Variants in MON2 observed in about 807,000 individuals in gnomAD.
The protein encoded by MON2 is MON2 regulator of endosome-to-Golgi trafficking.
In MON2, 84 loss-of-function variants were observed where a neutral mutation model predicts 208.6. That is an observed-to-expected ratio of 0.40 (90% CI 0.34 to 0.48). The LOEUF (loss-of-function observed/expected upper bound fraction) is 0.48, where lower values mean the gene tolerates loss of function less well. Ranked by LOEUF, MON2 falls within the 20% of genes least tolerant of loss-of-function variation. MON2 has a pLI of 0.59. For missense variants in MON2, 1,611 were observed against 2,015.4 expected (o/e 0.80, Z 3.84); for synonymous variants, 660 against 694.0 (o/e 0.95, Z 0.77).
chr12:62,497,141 A>T (rs944102237), intron 4 of MON2, among the ~76,000 whole-genome samples: 2 of 125,090 alleles, frequency 1.6e-5, no homozygotes, highest in African/African-American at 6.1e-5. Context: ...GGAACATCAC[A>T]CTCTGGGGCC....
chr12:62,488,716 A>G (rs1336688710), intron 2 of MON2, among the ~76,000 whole-genome samples: 1 of 152,144 alleles, frequency 6.6e-6, no homozygotes, highest in East Asian at 1.9e-4. Flanking sequence ...TGAGCCAGGG[A>G]GATTACATAG....
intron 25 of MON2, among the ~76,000 whole-genome samples, chr12:62,559,481 A>G (rs1017865665): frequency 1.3e-5 from 2 of 152,170 alleles, no homozygotes; most frequent in African/African-American, 4.8e-5. Context: ...TATCTCTACA[A>G]AAAATACAAA....
chr12:62,469,978 C>T (rs891594422), intron 1 of MON2, among the ~76,000 whole-genome samples: 4 of 151,656 alleles, frequency 2.6e-5, no homozygotes, highest in African/African-American at 9.7e-5. Context: ...GATCTTGGCT[C>T]ACTGCAGCGT....
chr12:62,559,067 A>G (rs181092349), intron 25 of MON2, among the ~76,000 whole-genome samples: 8 of 152,306 alleles, frequency 5.3e-5, no homozygotes, highest in Non-Finnish European at 1.0e-4. Flanking sequence ...CAGTTTGTCC[A>G]GAGTAGGCAG....
intron 30 of MON2, 107 bp downstream of exon 30, chr12:62,571,689 G>A: frequency 1.1e-6 from 1 of 935,378 alleles, no homozygotes; most frequent in African/African-American, 1.7e-5. Flanking sequence ...GATTATAAAG[G>A]TTGCTAGATT....
chr12:62,556,021 C>A lies in MON2; in HGVS notation c.3238C>A (p.Arg1080=). The A allele has an allele frequency of 6.2e-7, 1 of 1,612,484 alleles. No individual in the cohort carries two copies. The highest frequency in any genetic ancestry group is 8.5e-7 in the Non-Finnish European group (1 of 1,179,218). The change falls in exon 25 of 35, where the codon CGA becomes AGA. Residue 1080 remains arginine, a synonymous_variant. Coordinates refer to ENST00000393630, the MANE Select transcript of MON2 (RefSeq NM_015026.3). ...KVLFHLLDRV[R]ESSTTADKEK... is the part of the protein sequence containing the mutation. ...ACTCTTTCATCTACTGGACAGAGTT[C>A]GAGAGTCCTCTACCACTGCAGACAA... is the stretch of plus-strand genomic sequence containing the variant.
At chr12:62,474,364 C>T (rs985595036) in intron 1 of MON2, among the ~76,000 whole-genome samples, 2 of 151,840 alleles carry the variant, frequency 1.3e-5, no homozygotes, top group Non-Finnish European at 2.9e-5. Flanking sequence ...GTGATCCGCC[C>T]GCCTCGGCCT....
chr12:62,537,147 C>A lies in MON2; in HGVS notation c.1901-4C>A. 6.4e-7 allele frequency: 1 copy of A among 1,550,446 alleles called. No individual in the cohort carries two copies. Among genetic ancestry groups the A allele is most frequent in the South Asian group, 1.2e-5 (1 of 84,808 alleles). ...AATTATTTAGGCTTTCCTTTGTGTTCTAGCATATTCCGTTCAGGGCCAAAG... is the reference window on the plus strand; with the variant it reads ...AATTATTTAGGCTTTCCTTTGTGTTATAGCATATTCCGTTCAGGGCCAAAG... On this transcript the variant is annotated splice_region_variant and splice_polypyrimidine_tract_variant and intron_variant, in intron 14 of 34. Coordinates refer to ENST00000393630, the MANE Select transcript of MON2 (RefSeq NM_015026.3).
chr12:62,543,270 G>A (rs1447760372), intron 20 of MON2, 72 bp downstream of exon 20: 1 of 766,778 alleles, frequency 1.3e-6, no homozygotes. Flanking sequence ...ATTCTAAATA[G>A]CCATTTGAAA....
At position 62,565,380 on chromosome 12, in the gene MON2, G is replaced by T; in HGVS notation, c.4176G>T (p.Gln1392His). ...ACATTGCAAATGCAAAATATAATCA[G>T]GTAATTTACTGTAAATTTTATTTAC... ...TKHIANAKYN[Q>H]IQLFAPAEWV... Residue 1392 changes from glutamine to histidine, a missense_variant and splice_region_variant, in exon 27 of 35, where the codon CAG becomes CAT. Coordinates refer to ENST00000393630, the MANE Select transcript of MON2 (RefSeq NM_015026.3). The T allele has an allele frequency of 1.9e-6, 3 of 1,594,504 alleles. No individual in the cohort carries two copies. Among genetic ancestry groups the T allele is most frequent in the Non-Finnish European group, 2.6e-6 (3 of 1,171,054 alleles).
chr12:62,507,303 C>G (rs2071156308), intron 7 of MON2, among the ~76,000 whole-genome samples: 1 of 147,112 alleles, frequency 6.8e-6, no homozygotes, highest in African/African-American at 2.5e-5. Flanking sequence ...TTTCTTTTTT[C>G]TTTTTCTTTT....
chr12:62,553,600 T>G (rs936649669), intron 24 of MON2, among the ~76,000 whole-genome samples: 1 of 152,358 alleles, frequency 6.6e-6, no homozygotes, highest in South Asian at 2.1e-4. Context: ...GAGAATTTTA[T>G]TAACAGATGA....
chr12:62,569,325 G>T (rs2074500489), intron 29 of MON2, among the ~76,000 whole-genome samples: 1 of 152,058 alleles, frequency 6.6e-6, no homozygotes. Context: ...ATACACTCAG[G>T]CTCTGACTAG....
chr12:62,580,275 G>A (rs1275580004), intron 31 of MON2, 22 bp from the exon 32 acceptor site: 2 of 1,600,426 alleles, frequency 1.2e-6, no homozygotes, highest in Non-Finnish European at 1.7e-6. Flanking sequence ...CAATACATTT[G>A]CATTTGCCTC....
At chr12:62,549,319 C>T (rs940181553) in intron 22 of MON2, among the ~76,000 whole-genome samples, 1 of 151,902 alleles carries the variant, frequency 6.6e-6, no homozygotes, top group African/African-American at 2.4e-5. Flanking sequence ...TTACACATTT[C>T]TTTTAAATGC....
At chr12:62,500,105 C>T (rs1022718803) in intron 5 of MON2, among the ~76,000 whole-genome samples, 1 of 152,084 alleles carries the variant, frequency 6.6e-6, no homozygotes, top group African/African-American at 2.4e-5. Flanking sequence ...TTCATATCCT[C>T]AATAAAATTC....
chr12:62,529,443 T>A (rs2072512244), intron 11 of MON2, among the ~76,000 whole-genome samples: 1 of 152,182 alleles, frequency 6.6e-6, no homozygotes, highest in African/African-American at 2.4e-5. Context: ...ATGTTTTTTT[T>A]AATTTAGCAT....
chr12:62,560,532 C>G lies in MON2; in HGVS notation c.3451C>G (p.Gln1151Glu), dbSNP rs1229211159. 1.2e-6 allele frequency: 2 copies of G among 1,613,308 alleles called. No homozygotes were observed. Among genetic ancestry groups the G allele is most frequent in the African/African-American group, 2.7e-5 (2 of 74,848 alleles). Residue 1151 changes from glutamine (Q) to glutamate (E), a missense_variant, in exon 26 of 35, where the codon CAG becomes GAG. Physicochemically the swap from Gln to Glu is conservative, Grantham distance 29 (BLOSUM62 2). Coordinates refer to ENST00000393630, the MANE Select transcript of MON2 (RefSeq NM_015026.3). ...RAWDVLLDHI[Q>E]SAALSKNNEV... is the part of the protein sequence containing the mutation. The stretch of plus-strand genomic sequence containing the variant: ...TTGGGATGTTCTTCTTGACCATATA[C>G]AGTCAGCAGCACTCAGCAAAAACAA...
chr12:62,474,365 G>A (rs915317850), intron 1 of MON2, among the ~76,000 whole-genome samples: 3 of 151,918 alleles, frequency 2.0e-5, no homozygotes, highest in Non-Finnish European at 4.4e-5. Flanking sequence ...TGATCCGCCC[G>A]CCTCGGCCTC....
Sources: allele counts gnomAD v4.1 joint callset (sites outside exome capture counted in the v4.1 genomes callset), GRCh38; gene constraint gnomAD v4.1.1; transcripts MANE v1.5; gene names NCBI Gene and HGNC (gene_info 2026-07-23, HGNC 2026-07-21).